The following SYT16 variants were observed in gnomAD, a reference collection of about 807,000 sequenced individuals.
SYT16 encodes synaptotagmin-16.
SYT16 carries 42 observed loss-of-function variants against 61.4 expected under a neutral mutation model. The ratio of observed to expected loss-of-function variants is 0.68; its 90% confidence interval spans 0.53 to 0.89. The LOEUF is 0.89. SYT16 is among the 40% of genes least tolerant of loss of function. The pLI is 0.00. For synonymous variants in SYT16, 314 were observed against 302.3 expected (o/e 1.04, Z -0.40); for missense variants, 804 against 807.3 (o/e 1.00, Z 0.05).
At chr14:61,975,252 C>T (rs1055912800) in intron 2 of SYT16, among the ~76,000 whole-genome samples, 39 of 151,918 alleles carry the variant, frequency 2.6e-4, no homozygotes, top group African/African-American at 9.2e-4. Flanking sequence ...ATATAATCTC[C>T]ATTTTATAGA....
intron 3 of SYT16, among the ~76,000 whole-genome samples, chr14:62,030,149 G>C (rs747395260): frequency 3.9e-5 from 6 of 152,112 alleles, no homozygotes; most frequent in Admixed American, 6.6e-5. Context: ...TAGGACAGTA[G>C]GAAAATTTGA....
Position 62,062,862 on chromosome 14 carries a change from T to C in SYT16, c.524-6741T>C, listed in dbSNP as rs1216064706. Among the ~76,000 whole-genome samples, 6 of 152,288 alleles carry C rather than the reference T, an allele frequency of 3.9e-5. No homozygotes were observed. The East Asian group carries it at 1.2e-3, about 29-fold the overall frequency. On this transcript the variant is annotated intron_variant, in intron 3 of 7. Coordinates refer to ENST00000683842, the MANE Select transcript of SYT16 (RefSeq NM_001367656.1). ...CTGTCTCTACTTCCCGTCTGTACGA[T>C]GTGAGCAATACTTGCCTCCACTGCA...
chr14:61,876,631 A>G (rs1373726274), intron 1 of SYT16, among the ~76,000 whole-genome samples: 2 of 152,224 alleles, frequency 1.3e-5, no homozygotes, highest in African/African-American at 2.4e-5. Flanking sequence ...AAATAGTGCC[A>G]CTATTGGCTA....
chr14:62,011,537 C>G (rs907464323), intron 3 of SYT16, among the ~76,000 whole-genome samples: 2 of 152,132 alleles, frequency 1.3e-5, no homozygotes, highest in African/African-American at 4.8e-5. Flanking sequence ...TTGGCCAGGC[C>G]TAAGTCACCT....
At chr14:61,921,655 G>A (rs190509400) in intron 1 of SYT16, among the ~76,000 whole-genome samples, 1 of 152,272 alleles carries the variant, frequency 6.6e-6, no homozygotes. Flanking sequence ...AGAGTAAAGG[G>A]CTCAGGAGCC....
intron 1 of SYT16, among the ~76,000 whole-genome samples, chr14:61,835,658 A>T (rs77787530): frequency 0.02 from 2,985 of 152,028 alleles, 89 homozygotes; most frequent in African/African-American, 0.066. Context: ...TATTCCTGAA[A>T]TTATCTTTTT....
At chr14:61,867,363 A>T (rs1328403394) in intron 1 of SYT16, among the ~76,000 whole-genome samples, 1 of 152,064 alleles carries the variant, frequency 6.6e-6, no homozygotes, top group African/African-American at 2.4e-5. Flanking sequence ...GTTGAAAAGG[A>T]GGAAGTAAAA....
chr14:61,999,319 AGTTT>A (rs2052896890), intron 3 of SYT16, among the ~76,000 whole-genome samples: 1 of 151,726 alleles, frequency 6.6e-6, no homozygotes, highest in Non-Finnish European at 1.5e-5. Context: ...AGGGTAACCT[AGTTT>A]GTTTTTTTCT....
intron 7 of SYT16, among the ~76,000 whole-genome samples, chr14:62,090,733 G>A (rs1392052756): frequency 1.3e-5 from 2 of 152,194 alleles, no homozygotes; most frequent in African/African-American, 2.4e-5. Flanking sequence ...TTACTATGGT[G>A]TATTAGTCTG....
At chr14:62,059,458 C>T (rs1336708499) in intron 3 of SYT16, among the ~76,000 whole-genome samples, 2 of 147,014 alleles carry the variant, frequency 1.4e-5, no homozygotes, top group African/African-American at 2.7e-5. Context: ...TTTCCCTCAG[C>T]CTATGGTTTG....
chr14:61,857,844 A>G (rs2046823467), intron 1 of SYT16, among the ~76,000 whole-genome samples: 1 of 152,158 alleles, frequency 6.6e-6, no homozygotes, highest in Non-Finnish European at 1.5e-5. Context: ...AAAAGGGAAG[A>G]AAGAGTATAT....
intron 1 of SYT16, among the ~76,000 whole-genome samples, chr14:61,828,365 C>G (rs1245351914): frequency 6.6e-6 from 1 of 152,200 alleles, no homozygotes; most frequent in Non-Finnish European, 1.5e-5. Flanking sequence ...ATCTTTGTTG[C>G]TCTTCTTTCA....
At chr14:61,893,462 C>G (rs530179543) in intron 1 of SYT16, among the ~76,000 whole-genome samples, 28 of 152,268 alleles carry the variant, frequency 1.8e-4, no homozygotes, top group South Asian at 1.2e-3. Context: ...TTTCAGCTTC[C>G]CCATTTTCTA....
At chr14:61,975,702 A>T (rs1435462599) in intron 2 of SYT16, among the ~76,000 whole-genome samples, 2 of 152,098 alleles carry the variant, frequency 1.3e-5, no homozygotes, top group African/African-American at 4.8e-5. Flanking sequence ...TGGGGATCCT[A>T]TTTGGTTCTT....
At chr14:62,054,360 G>GTTGTGTTTTTTTTTTTT (rs1411904235) in intron 3 of SYT16, among the ~76,000 whole-genome samples, 8 of 118,296 alleles carry the variant, frequency 6.8e-5, no homozygotes, top group Admixed American at 2.6e-4. Context: ...AGTGAAGTGA[G>GTTGTGTTTTTTTTTTTT]TTTTTTTTTT....
chr14:61,897,895 G>A (rs1217028001), intron 1 of SYT16, among the ~76,000 whole-genome samples: 1 of 152,148 alleles, frequency 6.6e-6, no homozygotes, highest in Admixed American at 6.5e-5. Flanking sequence ...GGCAGGCTTT[G>A]CTTGAAAGTC....
At chr14:61,937,555 T>C (rs217690) in intron 1 of SYT16, among the ~76,000 whole-genome samples, 1 of 152,198 alleles carries the variant, frequency 6.6e-6, no homozygotes. Context: ...AGTCTCTAAT[T>C]ATCTCAGGAC....
At chr14:61,936,201 C>T (rs748314220) in intron 1 of SYT16, among the ~76,000 whole-genome samples, 1 of 152,094 alleles carries the variant, frequency 6.6e-6, no homozygotes, top group Non-Finnish European at 1.5e-5. Context: ...TGGAGAGAAT[C>T]GTGATTGAGA....
rs533966013 is a variant in SYT16, at chr14:62,061,605, A to G, written c.524-7998A>G. ...AGGAAGCTAGTGCAGTTACATTAAT[A>G]TCAGACAAAGTAGACTTCAAGACAA... is the stretch of plus-strand genomic sequence containing the variant. On this transcript the variant is annotated intron_variant, in intron 3 of 7. Coordinates refer to ENST00000683842, the MANE Select transcript of SYT16 (RefSeq NM_001367656.1). 1.4e-4 allele frequency among the ~76,000 whole-genome samples: 22 copies of G among 152,296 alleles called. 1 individual carries two copies. Among genetic ancestry groups the G allele is most frequent in the African/African-American group, 5.3e-4 (22 of 41,574 alleles).
Sources: allele counts gnomAD v4.1 joint callset (sites outside exome capture counted in the v4.1 genomes callset), GRCh38; gene constraint gnomAD v4.1.1; transcripts MANE v1.5; gene names NCBI Gene and HGNC (gene_info 2026-07-23, HGNC 2026-07-21).